The following RAI1 variants were observed in gnomAD, a reference collection of about 807,000 sequenced individuals.
The protein encoded by RAI1 is retinoic acid induced 1.
In RAI1, 9 loss-of-function variants were observed where a neutral mutation model predicts 123.8. That is an observed-to-expected ratio of 0.07 (90% CI 0.04 to 0.13). The LOEUF (loss-of-function observed/expected upper bound fraction) is 0.13, where lower values mean the gene tolerates loss of function less well. RAI1 is among the 10% of genes least tolerant of loss of function. The pLI is 1.00. For missense variants in RAI1, 2,256 were observed against 2,545.8 expected, an observed-to-expected ratio of 0.89 and a Z score of 2.45; for synonymous variants, 1,231 against 1,127.3, an observed-to-expected ratio of 1.09 and a Z score of -1.84.
intron 4 of RAI1, among the ~76,000 whole-genome samples, chr17:17,805,859 C>T (rs1177747828): frequency 6.6e-6 from 1 of 152,004 alleles, no homozygotes; most frequent in Non-Finnish European, 1.5e-5. Flanking sequence ...CACATTCCTC[C>T]TTCCACAGTG....
At chr17:17,710,328 A>G (rs1372029455) in intron 1 of RAI1, among the ~76,000 whole-genome samples, 1 of 152,114 alleles carries the variant, frequency 6.6e-6, no homozygotes, top group East Asian at 1.9e-4. Context: ...GCTGAGCCCC[A>G]TGGAGACCCC....
intron 1 of RAI1, among the ~76,000 whole-genome samples, chr17:17,711,608 G>C (rs191161944): frequency 9.8e-5 from 15 of 152,328 alleles, no homozygotes; most frequent in Middle Eastern, 3.4e-3. Flanking sequence ...AACAGGTCTT[G>C]GTACAAGGTG....
In RAI1 at chr17:17,796,501, G is replaced by A. The variant is rs754912543; in HGVS notation, c.3553G>A (p.Ala1185Thr). The A allele has an allele frequency of 7.4e-6, 12 of 1,610,752 alleles. No individual in the cohort carries two copies. Among genetic ancestry groups the A allele is most frequent in the African/African-American group, 2.7e-5 (2 of 74,888 alleles). Reference sequence around the variant, plus strand: ...GCTCCTCGACAACAGCCACTTGCCCGCCACATTCAAGGTCTCCAGCAGCCC... The same window carrying A: ...GCTCCTCGACAACAGCCACTTGCCCACCACATTCAAGGTCTCCAGCAGCCC... ...KKLLDNSHLP[A>T]TFKVSSSPQK... The change falls in exon 3 of 6, where the codon GCC becomes ACC. Residue 1185 changes from alanine to threonine, a missense_variant. Physicochemically the swap from Ala to Thr is moderately conservative, Grantham distance 58. Transcript: ENST00000353383. The surrounding 1 kb of genome is among the most constrained non-coding windows in gnomAD (Gnocchi z 5.8).
At chr17:17,742,623 A>G (rs561107963) in intron 2 of RAI1, among the ~76,000 whole-genome samples, 1 of 152,040 alleles carries the variant, frequency 6.6e-6, no homozygotes, top group Non-Finnish European at 1.5e-5. Context: ...CTCGTTTTAA[A>G]AGAGAGAGAG....
intron 2 of RAI1, among the ~76,000 whole-genome samples, chr17:17,787,428 C>T (rs116617940): frequency 0.019 from 2,817 of 152,228 alleles, 86 homozygotes; most frequent in African/African-American, 0.064. Flanking sequence ...GAGGTGGTGA[C>T]GCTTTTTGTT....
In RAI1 at chr17:17,736,322, C is replaced by T. The variant is rs74508111; in HGVS notation, c.-17+12163C>T. Among the ~76,000 whole-genome samples the T allele has an allele frequency of 8.2e-4, 125 of 152,322 alleles. 5 individuals are homozygous for T. The East Asian group carries it at 0.024, about 29-fold the overall frequency. On this transcript the variant is annotated intron_variant, in intron 2 of 5. Coordinates refer to ENST00000353383, the MANE Select transcript of RAI1 (RefSeq NM_030665.4). ...AGACCTGGGAGGCTCTCAGTCATCC[C>T]AAACTCTGACCATTCATGCTCTCCC...
chr17:17,735,514 C>T (rs139649469), intron 2 of RAI1, among the ~76,000 whole-genome samples: 4 of 151,952 alleles, frequency 2.6e-5, no homozygotes, highest in South Asian at 2.1e-4. Context: ...CCACCACGCC[C>T]GGCTGATTTT....
rs1057082961 is a variant in RAI1 at position 17,752,239 on chromosome 17, G to T, written c.-17+28080G>T. Among the ~76,000 whole-genome samples the T allele has an allele frequency of 1.1e-4, 17 of 152,268 alleles. 1 individual carries two copies. The South Asian group carries it at 1.9e-3, about 17-fold the overall frequency. On this transcript the variant is annotated intron_variant, in intron 2 of 5. Coordinates refer to ENST00000353383, the MANE Select transcript of RAI1 (RefSeq NM_030665.4). ...GGGCGCAGGTAGCCATGGTGACAGCGCCCCAGACTACTCGTATTTCCTGCC... is the reference window on the plus strand; with the variant it reads ...GGGCGCAGGTAGCCATGGTGACAGCTCCCCAGACTACTCGTATTTCCTGCC...
rs1293087381 is a variant in RAI1, at chr17:17,694,841, G to T, written c.-149+13048G>T. ...GCGGGGCCGCGGGGCGGGGCGGGGT[G>T]CTGAGGCCCCGCCCCCTGGCGGATC... is the stretch of plus-strand genomic sequence containing the variant. On this transcript the variant is annotated intron_variant, in intron 1 of 5. Coordinates refer to ENST00000353383, the MANE Select transcript of RAI1 (RefSeq NM_030665.4). Among the ~76,000 whole-genome samples, 5 of 151,594 alleles carry T rather than the reference G, an allele frequency of 3.3e-5. No homozygotes were observed. The East Asian group carries it at 9.7e-4, about 29-fold the overall frequency.
chr17:17,749,273 A>G (rs953692973), intron 2 of RAI1, among the ~76,000 whole-genome samples: 6 of 152,062 alleles, frequency 3.9e-5, no homozygotes, highest in African/African-American at 1.4e-4. Flanking sequence ...GACTCTTGAT[A>G]TTTAGCCTGC....
At chr17:17,788,412 G>A (rs1317868730) in intron 2 of RAI1, among the ~76,000 whole-genome samples, 1 of 152,094 alleles carries the variant, frequency 6.6e-6, no homozygotes, top group African/African-American at 2.4e-5. Flanking sequence ...TGAATCTGGC[G>A]AACGATTTCT....
intron 2 of RAI1, among the ~76,000 whole-genome samples, chr17:17,742,815 C>T (rs1196843299): frequency 2.0e-5 from 3 of 152,196 alleles, no homozygotes; most frequent in Admixed American, 2.0e-4. Context: ...CCCTATGGGG[C>T]CCCTCGGCCA....
chr17:17,809,930 C>A lies in RAI1; in HGVS notation c.5710-40C>A, dbSNP rs776400011. On this transcript the variant is annotated intron_variant, in intron 5 of 5. Coordinates refer to ENST00000353383, the MANE Select transcript of RAI1 (RefSeq NM_030665.4). The surrounding 1 kb of genome is among the most constrained non-coding windows in gnomAD (Gnocchi z 4.9). The stretch of plus-strand genomic sequence containing the variant: ...GGGCGGGGCCTATGGACTGTGAAGT[C>A]CGAGGTCGTCGGTAACTGGCGGGCG... The A allele has an allele frequency of 3.9e-6, 6 of 1,558,180 alleles. No homozygotes were observed. In the African/African-American group the frequency reaches 4.1e-5, roughly 11 times the overall value.
chr17:17,762,097 G>A (rs1189921553), intron 2 of RAI1, among the ~76,000 whole-genome samples: 1 of 152,202 alleles, frequency 6.6e-6, no homozygotes, highest in African/African-American at 2.4e-5. Flanking sequence ...TCTGCTGTAT[G>A]CCCTGACAAG....
At chr17:17,785,585 G>A (rs1261517497) in intron 2 of RAI1, among the ~76,000 whole-genome samples, 1 of 152,156 alleles carries the variant, frequency 6.6e-6, no homozygotes, top group Non-Finnish European at 1.5e-5. Flanking sequence ...TTGGGGTGGC[G>A]CCTCGCCCGG....
intron 1 of RAI1, among the ~76,000 whole-genome samples, chr17:17,702,728 T>C (rs530484950): frequency 6.6e-6 from 1 of 152,342 alleles, no homozygotes; most frequent in Admixed American, 6.5e-5. Flanking sequence ...CCTGCCAGGC[T>C]ATGTGAAACT....
At chr17:17,689,966 A>G (rs1433834322) in intron 1 of RAI1, among the ~76,000 whole-genome samples, 2 of 152,278 alleles carry the variant, frequency 1.3e-5, no homozygotes, top group Middle Eastern at 3.4e-3. Context: ...AGACCCTTCT[A>G]TAGTGATCTA....
At position 17,795,663 on chromosome 17, in the gene RAI1, G is replaced by A. The variant is rs2143002365; in HGVS notation, c.2715G>A (p.Glu905=). ...APLICTKEEV[E]EVLDSKAGWG... ...TCATCTGCACCAAGGAGGAGGTGGA[G>A]GAGGTGCTGGACTCCAAGGCCGGCT... The change falls in exon 3 of 6, where the codon GAG becomes GAA. Residue 905 remains glutamate (E), a synonymous_variant. Transcript: ENST00000353383. This position sits in a 1 kb window ranked among gnomAD's most constrained non-coding sequence, Gnocchi z 5.9. The A allele has an allele frequency of 6.2e-7, 1 of 1,613,340 alleles. No homozygotes were observed. The highest frequency in any genetic ancestry group is 1.7e-5 in the Admixed American group (1 of 60,016).
intron 2 of RAI1, among the ~76,000 whole-genome samples, chr17:17,766,679 G>A (rs766027591): frequency 6.6e-6 from 1 of 152,372 alleles, no homozygotes; most frequent in East Asian, 1.9e-4. Flanking sequence ...AGCAGGCAGC[G>A]TGGTAGGGTT....
Sources: allele counts gnomAD v4.1 joint callset (sites outside exome capture counted in the v4.1 genomes callset), GRCh38; gene constraint gnomAD v4.1.1; non-coding constraint Gnocchi (gnomAD v3.1); transcripts MANE v1.5; gene names NCBI Gene and HGNC (gene_info 2026-07-23, HGNC 2026-07-21).